The following DCAF6 variants were observed in gnomAD, a reference collection of about 807,000 sequenced individuals.
DCAF6 encodes the protein DDB1- and CUL4-associated factor 6.
In DCAF6, 54 loss-of-function variants were observed where a neutral mutation model predicts 125.1. The observed-to-expected ratio is 0.43, with a 90% confidence interval of 0.35 to 0.54. The LOEUF is 0.54. DCAF6 is among the 20% of genes least tolerant of loss of function. The pLI is 0.01. For synonymous variants in DCAF6, 371 were observed against 390.4 expected, an observed-to-expected ratio of 0.95 and a Z score of 0.58; for missense variants, 934 against 1,161.7, an observed-to-expected ratio of 0.80 and a Z score of 2.85.
chr1:167,930,609 C>T, the DCAF6 span, among the ~76,000 whole-genome samples: 1 of 152,146 alleles, frequency 6.6e-6, no homozygotes, highest in African/African-American at 2.4e-5. Context: ...TAAGGAAAGT[C>T]CAAGCTCCCT....
chr1:167,942,357 C>T (rs187876865), intron 1 of DCAF6, among the ~76,000 whole-genome samples: 112 of 152,276 alleles, frequency 7.4e-4, no homozygotes, highest in African/African-American at 2.4e-3. Context: ...AGCCGCTGCG[C>T]CTGGCCTTTA....
At chr1:168,042,609 T>C (rs1441512061) in intron 13 of DCAF6, 1 of 154,562 alleles carries the variant, frequency 6.5e-6, no homozygotes, top group Non-Finnish European at 1.4e-5. Context: ...GTTCAAATAC[T>C]AATTTTAAAG....
At chr1:167,889,325 A>G in the DCAF6 span, among the ~76,000 whole-genome samples, 1 of 152,226 alleles carries the variant, frequency 6.6e-6, no homozygotes, top group Non-Finnish European at 1.5e-5. Flanking sequence ...GCATCAACTG[A>G]AATGATAATA....
intron 16 of DCAF6, among the ~76,000 whole-genome samples, chr1:168,045,597 G>A (rs1343433117): frequency 2.6e-5 from 4 of 152,004 alleles, no homozygotes; most frequent in East Asian, 3.8e-4. Context: ...TGTTGTTTTG[G>A]TTTTAATGTT....
At chr1:167,973,383 C>T (rs1677640997) in intron 3 of DCAF6, among the ~76,000 whole-genome samples, 1 of 152,168 alleles carries the variant, frequency 6.6e-6, no homozygotes, top group Non-Finnish European at 1.5e-5. Flanking sequence ...AACTAACAAG[C>T]TGTCTGTGAA....
rs575518128 is a variant in DCAF6 at position 168,027,095 on chromosome 1, G to A, written c.1609+4048G>A. On this transcript the variant is annotated intron_variant, in intron 12 of 21. Transcript: ENST00000367840. ...AATGATACCAACTCCCAGAAAGTCTGATAAATCATTTTTTAAATTTGGCAA... is the reference window on the plus strand; with the variant it reads ...AATGATACCAACTCCCAGAAAGTCTAATAAATCATTTTTTAAATTTGGCAA... Among the ~76,000 whole-genome samples the A allele has an allele frequency of 4.6e-5, 7 of 152,214 alleles. No homozygotes were observed. The South Asian group carries it at 1.5e-3, about 32-fold the overall frequency.
intron 3 of DCAF6, among the ~76,000 whole-genome samples, chr1:167,967,493 AAAG>A (rs570456865): frequency 4.6e-5 from 7 of 152,202 alleles, no homozygotes; most frequent in Non-Finnish European, 1.0e-4. Context: ...ATTGTAATAA[AAAG>A]AAAGTGTGTG....
Position 168,075,382 on chromosome 1 carries a change from G to A in DCAF6, c.2803G>A (p.Gly935Ser), listed in dbSNP as rs1396630981. Reference sequence around the variant, plus strand: ...ATCTGTGTTTCCAGACCGGTTGGAGGGTGACAGATCAGAAGGCTCTGGTCA... The same window carrying A: ...ATCTGTGTTTCCAGACCGGTTGGAGAGTGACAGATCAGAAGGCTCTGGTCA... ...LNHIRADRLEGDRSEGSGQEN... is the reference protein window; with the variant it reads ...LNHIRADRLESDRSEGSGQEN... The change falls in exon 22 of 22, where the codon GGT becomes AGT. Residue 935 changes from glycine to serine, a missense_variant. Around this residue, in one of 5 missense-constraint regions of DCAF6, gnomAD observed 36 missense variants for 39.8 expected, o/e 0.91. Transcript: ENST00000367840. 6.2e-7 allele frequency: 1 copy of A among 1,603,594 alleles called. No individual in the cohort carries two copies. Among genetic ancestry groups the A allele is most frequent in the African/African-American group, 1.3e-5 (1 of 74,512 alleles).
chr1:167,971,412 A>G (rs1414248631), intron 3 of DCAF6, among the ~76,000 whole-genome samples: 1 of 152,222 alleles, frequency 6.6e-6, no homozygotes, highest in Non-Finnish European at 1.5e-5. Flanking sequence ...GTTGGAGCCC[A>G]CTAAGTCTTA....
intron 5 of DCAF6, 73 bp from the exon 6 acceptor site, chr1:167,991,131 A>G (rs1241300640): frequency 1.1e-5 from 14 of 1,302,896 alleles, no homozygotes; most frequent in South Asian, 8.5e-5. Flanking sequence ...ATTACTAATG[A>G]GAAAATATTT....
At chr1:167,911,551 T>C in the DCAF6 span, among the ~76,000 whole-genome samples, 1 of 152,222 alleles carries the variant, frequency 6.6e-6, no homozygotes, top group Non-Finnish European at 1.5e-5. Flanking sequence ...AAGTTCTAAG[T>C]TGCTAGCCGA....
chr1:168,010,478 G>A (rs1174938557), intron 10 of DCAF6, among the ~76,000 whole-genome samples: 2 of 151,930 alleles, frequency 1.3e-5, no homozygotes, highest in South Asian at 4.2e-4. Context: ...TCAGTTGATG[G>A]ATTTTTTTTT....
chr1:167,924,628 G>T, the DCAF6 span: 6 of 916,876 alleles, frequency 6.5e-6, no homozygotes, highest in South Asian at 7.8e-5. Flanking sequence ...AAAAACCAAA[G>T]GATTTATCAA....
intron 4 of DCAF6, among the ~76,000 whole-genome samples, chr1:167,986,459 A>G (rs532490573): frequency 4.1e-4 from 62 of 152,154 alleles, no homozygotes; most frequent in Non-Finnish European, 8.8e-4. Context: ...AATACCTTTC[A>G]TATATACAGT....
the DCAF6 span, among the ~76,000 whole-genome samples, chr1:167,866,003 C>T: frequency 3.3e-5 from 5 of 152,238 alleles, no homozygotes; most frequent in Non-Finnish European, 5.9e-5. Flanking sequence ...CACTTCATGT[C>T]TCTCACCACA....
At chr1:168,024,205 A>T (rs1341998424) in intron 12 of DCAF6, among the ~76,000 whole-genome samples, 7 of 148,768 alleles carry the variant, frequency 4.7e-5, no homozygotes, top group Admixed American at 1.3e-4. Context: ...TGACAGAGTG[A>T]GACCCCCATC....
At chr1:167,958,336 T>G (rs573286393) in intron 2 of DCAF6, among the ~76,000 whole-genome samples, 120 of 150,446 alleles carry the variant, frequency 8.0e-4, no homozygotes, top group African/African-American at 2.1e-3. Flanking sequence ...GTCCAAGGTG[T>G]TTTTTTTTGT....
At chr1:168,051,531 C>A (rs942651429) in intron 17 of DCAF6, among the ~76,000 whole-genome samples, 1 of 152,170 alleles carries the variant, frequency 6.6e-6, no homozygotes, top group Admixed American at 6.5e-5. Flanking sequence ...CTACTGAAAA[C>A]CTGTTTTGCT....
intron 21 of DCAF6, among the ~76,000 whole-genome samples, chr1:168,074,261 TAAATA>T (rs1693534874): frequency 6.6e-6 from 1 of 151,784 alleles, no homozygotes; most frequent in Non-Finnish European, 1.5e-5. Context: ...GTGTAGATAA[TAAATA>T]AAATCTCAGG....
Sources: gnomAD v4.1 joint callset for allele counts (sites outside exome capture counted in the v4.1 genomes callset) on GRCh38, gnomAD v4.1.1 for gene constraint, gnomAD v4.1.1 regional missense constraint, MANE v1.5 for transcripts, NCBI Gene and HGNC (gene_info 2026-07-23, HGNC 2026-07-21) for gene names.